Variants in MAP3K19 observed in about 807,000 individuals in gnomAD.
MAP3K19 encodes SPS1/STE20-related protein kinase YSK4.
A neutral mutation model predicts 114.4 loss-of-function variants in MAP3K19; 91 were observed. The ratio of observed to expected loss-of-function variants is 0.80; its 90% CI spans 0.67 to 0.95. The LOEUF is 0.95. Ranked by LOEUF, MAP3K19 falls within the 40% of genes least tolerant of loss-of-function variation. MAP3K19 has a pLI of 0.00. For synonymous variants in MAP3K19, 518 were observed against 530.5 expected, an observed-to-expected ratio of 0.98 and a Z score of 0.32; for missense variants, 1,471 against 1,573.2, an observed-to-expected ratio of 0.94 and a Z score of 1.10.
In MAP3K19 at chr2:134,987,529, A is replaced by T; in HGVS notation, c.1343T>A (p.Phe448Tyr). The stretch of plus-strand genomic sequence containing the variant: ...TGGGAGTTTATCAATGGGGTCATCA[A>T]AGACTACACTGGATAAGCTTTTAAG... ...TVLKSLSSVVFDDPIDKLPEG... is the reference protein window; with the variant it reads ...TVLKSLSSVVYDDPIDKLPEG... Residue 448 changes from phenylalanine to tyrosine, a missense_variant, in exon 10 of 13, where the codon TTT becomes TAT. By Grantham distance (22) the Phe-to-Tyr change is conservative. Transcript: ENST00000392915. 1 of 1,614,230 alleles carries T rather than the reference A, an allele frequency of 6.2e-7. No homozygotes were observed. The highest frequency in any genetic ancestry group is 1.7e-5 in the Admixed American group (1 of 60,028).
intron 3 of MAP3K19, among the ~76,000 whole-genome samples, chr2:135,028,542 A>T (rs1688306274): frequency 6.7e-6 from 1 of 149,156 alleles, no homozygotes; most frequent in Admixed American, 6.7e-5. Context: ...TTGGCAACAT[A>T]GTGAGACTCT....
At chr2:134,967,250 G>A (rs1329737769) in intron 12 of MAP3K19, among the ~76,000 whole-genome samples, 6 of 152,128 alleles carry the variant, frequency 3.9e-5, no homozygotes, top group Admixed American at 6.5e-5. Flanking sequence ...CCTTGAAAGC[G>A]CCGTATTGTC....
intron 3 of MAP3K19, among the ~76,000 whole-genome samples, chr2:135,025,365 GCCTTT>G (rs1688212500): frequency 6.9e-6 from 1 of 144,130 alleles, no homozygotes; most frequent in East Asian, 2.0e-4. Flanking sequence ...TCTCCACATG[GCCTTT>G]TCTTTTCTTT....
At chr2:135,020,600 T>C (rs1687902498) in intron 5 of MAP3K19, among the ~76,000 whole-genome samples, 2 of 152,364 alleles carry the variant, frequency 1.3e-5, no homozygotes, top group East Asian at 3.9e-4. Flanking sequence ...AGGTGTGATA[T>C]GATTTGGCTC....
chr2:134,999,808 A>G lies in MAP3K19; in HGVS notation c.314+129T>C. On this transcript the variant is annotated intron_variant, in intron 7 of 12. Transcript: ENST00000392915. The surrounding 1 kb of genome is among the most constrained non-coding windows in gnomAD (Gnocchi z 4.1). ...GTGTTTATGATCTGGCCTCTGCCAC[A>G]TACTATTTATTGTGACCTCTACTTT... 2 of 677,940 alleles carry G rather than the reference A, an allele frequency of 3.0e-6. No individual in the cohort carries two copies. Among genetic ancestry groups the G allele is most frequent in the Non-Finnish European group, 2.6e-6 (1 of 384,322 alleles). 42.0% of individuals were successfully genotyped at this position (677,940 alleles called of 1,614,324 possible).
At chr2:135,032,601 T>A (rs1688411805) in intron 2 of MAP3K19, among the ~76,000 whole-genome samples, 1 of 151,314 alleles carries the variant, frequency 6.6e-6, no homozygotes, top group African/African-American at 2.4e-5. Flanking sequence ...TTTAATTTAA[T>A]TTAATTTTAT....
intron 5 of MAP3K19, among the ~76,000 whole-genome samples, chr2:135,008,924 A>G (rs1224062279): frequency 6.6e-6 from 1 of 151,850 alleles, no homozygotes; most frequent in African/African-American, 2.4e-5. Flanking sequence ...AACTATAAGT[A>G]TGTACCACCA....
chr2:134,997,199 A>G (rs1559164118), intron 8 of MAP3K19, among the ~76,000 whole-genome samples: 1 of 152,230 alleles, frequency 6.6e-6, no homozygotes. Flanking sequence ...CCATCAAAAC[A>G]CTGCTTCACC....
intron 4 of MAP3K19, among the ~76,000 whole-genome samples, chr2:135,022,518 T>C (rs1688051118): frequency 6.6e-6 from 1 of 152,184 alleles, no homozygotes; most frequent in Non-Finnish European, 1.5e-5. Context: ...ACTGAAGACT[T>C]ATTGCTGGCT....
At chr2:135,010,778 C>T (rs1002329690) in intron 5 of MAP3K19, among the ~76,000 whole-genome samples, 3 of 152,096 alleles carry the variant, frequency 2.0e-5, no homozygotes, top group African/African-American at 7.2e-5. Flanking sequence ...TACAGAGGCA[C>T]GCCCCCATAA....
chr2:135,036,662 TG>T (rs1688536401), intron 2 of MAP3K19, among the ~76,000 whole-genome samples: 1 of 151,638 alleles, frequency 6.6e-6, no homozygotes, highest in African/African-American at 2.4e-5. Flanking sequence ...TGTGTGTGTG[TG>T]TGTGTGTGTG....
At position 134,983,786 on chromosome 2, in the gene MAP3K19, T is replaced by G; in HGVS notation, c.3112A>C (p.Lys1038Gln). The G allele has an allele frequency of 2.5e-6, 4 of 1,604,888 alleles. No homozygotes were observed. Among genetic ancestry groups the G allele is most frequent in the Non-Finnish European group, 3.4e-6 (4 of 1,175,996 alleles). Residue 1038 changes from lysine (K) to glutamine (Q), a missense_variant, in exon 11 of 13, where the codon AAA becomes CAA. By Grantham distance (53) the Lys-to-Gln change is moderately conservative (BLOSUM62 1). Coordinates refer to ENST00000392915, the MANE Select transcript of MAP3K19 (RefSeq NM_025052.5). ...SGLRIYDREE[K>Q]FLISNEKKIF... ...TTCTTTTCATTTGAGATGAGAAATTTCTCCTCCCTGTCATATATCCTGAGC... is the reference window on the plus strand; with the variant it reads ...TTCTTTTCATTTGAGATGAGAAATTGCTCCTCCCTGTCATATATCCTGAGC...
chr2:134,988,109 A>G lies in MAP3K19; in HGVS notation c.763T>C (p.Ser255Pro). Residue 255 changes from serine (S) to proline (P), a missense_variant, in exon 10 of 13, where the codon TCT (serine) becomes CCT (proline). Physicochemically the swap from Ser to Pro is moderately conservative, Grantham distance 74. Transcript: ENST00000392915. ...TCGTTTGATGGGCTGAGCTCATCAG[A>G]TTGACGAACAGACACTGAGAGCTTA... ...VPKLSVSVRQ[S>P]DELSPSNEPP... is the part of the protein sequence containing the mutation. The G allele has an allele frequency of 6.2e-7, 1 of 1,614,126 alleles. No homozygotes were observed. Among genetic ancestry groups the G allele is most frequent in the Non-Finnish European group, 8.5e-7 (1 of 1,180,010 alleles).
chr2:135,003,887 A>C (rs1686628687), intron 6 of MAP3K19, among the ~76,000 whole-genome samples: 1 of 152,228 alleles, frequency 6.6e-6, no homozygotes, highest in Non-Finnish European at 1.5e-5. Flanking sequence ...ATTTAAAATG[A>C]ATATAATGGA....
chr2:135,000,358 G>A lies in MAP3K19; in HGVS notation c.236-343C>T, dbSNP rs545820367. Among the ~76,000 whole-genome samples the A allele has an allele frequency of 3.9e-5, 6 of 152,322 alleles. 1 individual carries two copies. In the South Asian group the frequency reaches 1.2e-3, roughly 32 times the overall value. The stretch of plus-strand genomic sequence containing the variant: ...CAGAACTATTGTGAGCATTCAATGA[G>A]ATAATTTATGTAACACCAAAGATGT... On this transcript the variant is annotated intron_variant, in intron 6 of 12. Coordinates refer to ENST00000392915, the MANE Select transcript of MAP3K19 (RefSeq NM_025052.5).
intron 6 of MAP3K19, among the ~76,000 whole-genome samples, chr2:135,002,892 T>C (rs1686547408): frequency 6.6e-6 from 1 of 152,186 alleles, no homozygotes; most frequent in African/African-American, 2.4e-5. Flanking sequence ...CTTCCTGTTA[T>C]GGACTGGATG....
chr2:135,035,332 G>A (rs1211013687), intron 2 of MAP3K19, among the ~76,000 whole-genome samples: 1 of 152,210 alleles, frequency 6.6e-6, no homozygotes, highest in Non-Finnish European at 1.5e-5. Flanking sequence ...AGGAGGTAGG[G>A]CCTGCAGTGA....
intron 6 of MAP3K19, among the ~76,000 whole-genome samples, chr2:135,004,768 T>C (rs1686693425): frequency 6.6e-6 from 1 of 152,130 alleles, no homozygotes; most frequent in Admixed American, 6.5e-5. Flanking sequence ...TCTGGAAGAT[T>C]CCAGACTTAT....
intron 2 of MAP3K19, among the ~76,000 whole-genome samples, chr2:135,037,824 T>A (rs1688565055): frequency 6.6e-6 from 1 of 152,166 alleles, no homozygotes; most frequent in Non-Finnish European, 1.5e-5. Flanking sequence ...CCTGGTCCTC[T>A]TCCTATCACT....
Sources: allele counts gnomAD v4.1 joint callset (sites outside exome capture counted in the v4.1 genomes callset), GRCh38; gene constraint gnomAD v4.1.1; non-coding constraint Gnocchi (gnomAD v3.1); transcripts MANE v1.5; gene names NCBI Gene and HGNC (gene_info 2026-07-23, HGNC 2026-07-21).